Variants in KCNN4 observed in about 807,000 individuals in gnomAD.
The protein encoded by KCNN4 is intermediate conductance calcium-activated potassium channel protein 4.
KCNN4 carries 31 observed loss-of-function variants against 45.2 expected under a neutral mutation model. That is an observed-to-expected ratio of 0.69 (90% CI 0.52 to 0.92). The LOEUF (loss-of-function observed/expected upper bound fraction) is 0.92, where lower values mean the gene tolerates loss of function less well. Among genes scored for constraint, KCNN4 ranks in the 40% least tolerant of loss-of-function variants. The pLI, the probability that KCNN4 is intolerant of heterozygous loss-of-function variation, is 0.00. For synonymous variants in KCNN4, 231 were observed against 254.6 expected (o/e 0.91, Z 0.88); for missense variants, 463 against 574.0 (o/e 0.81, Z 1.98).
In KCNN4 at chr19:43,768,950, G is replaced by A. The variant is rs763027267; in HGVS notation, c.1119+13C>T. On this transcript the variant is annotated intron_variant, in intron 7 of 8. Coordinates refer to ENST00000648319, the MANE Select transcript of KCNN4 (RefSeq NM_002250.3). ...CCCCTTCTTCAAGACCTCCTCCCAC[G>A]GGATCCTAGTACCTTGGAGATGTCC... 15 of 1,613,622 alleles carry A rather than the reference G, an allele frequency of 9.3e-6. No individual in the cohort carries two copies. Among genetic ancestry groups the A allele is most frequent in the Middle Eastern group, 3.3e-4 (2 of 6,060 alleles).
chr19:43,779,835 G>A (rs1464022437), intron 1 of KCNN4, among the ~76,000 whole-genome samples: 1 of 151,936 alleles, frequency 6.6e-6, no homozygotes, highest in African/African-American at 2.4e-5. Flanking sequence ...AGGAGTCCAG[G>A]CCACTGTAAG....
At chr19:43,777,334 TGTGTGG>T (rs1568395400) in intron 1 of KCNN4, among the ~76,000 whole-genome samples, 134 of 151,392 alleles carry the variant, frequency 8.9e-4, no homozygotes, top group African/African-American at 3.0e-3. Context: ...TGGGTGTGTG[TGTGTGG>T]TGTCTAGAAA....
chr19:43,767,463 C>A, intron 8 of KCNN4, 77 bp downstream of exon 8: 1 of 1,519,978 alleles, frequency 6.6e-7, no homozygotes, highest in African/African-American at 1.4e-5. Context: ...ATCCCCCGCC[C>A]CCTTAGCCAC....
chr19:43,777,225 C>T (rs561610641), intron 1 of KCNN4, among the ~76,000 whole-genome samples: 3 of 152,220 alleles, frequency 2.0e-5, no homozygotes, highest in East Asian at 3.9e-4. Context: ...AAGACCCATA[C>T]CCATGAAGGG....
intron 2 of KCNN4, among the ~76,000 whole-genome samples, chr19:43,776,325 G>C (rs992008912): frequency 7.2e-5 from 11 of 151,730 alleles, no homozygotes; most frequent in Admixed American, 1.3e-4. Context: ...TGCAAGGGGG[G>C]GCTGGGGACT....
Position 43,774,686 on chromosome 19 carries a change from C to A in KCNN4, c.256-67G>T. The A allele has an allele frequency of 7.5e-7, 1 of 1,340,056 alleles. No homozygotes were observed. The highest frequency in any genetic ancestry group is 9.7e-7 in the Non-Finnish European group (1 of 1,025,974). The allele number at this position is 1,340,056 out of a possible 1,614,324, so 83.0% of individuals were successfully genotyped here. On this transcript the variant is annotated intron_variant, in intron 2 of 8. Coordinates refer to ENST00000648319, the MANE Select transcript of KCNN4 (RefSeq NM_002250.3). This position sits in a 1 kb window ranked among gnomAD's most constrained non-coding sequence, Gnocchi z 5.6. ...CAGGCGCAGGTCAGGCGGCGGCCCGCGCCTGCCTGCGCCCTGAGATAAGTG... is the reference window on the plus strand; with the variant it reads ...CAGGCGCAGGTCAGGCGGCGGCCCGAGCCTGCCTGCGCCCTGAGATAAGTG...
intron 3 of KCNN4, among the ~76,000 whole-genome samples, chr19:43,773,550 G>C (rs1936707206): frequency 6.6e-6 from 1 of 152,206 alleles, no homozygotes; most frequent in Non-Finnish European, 1.5e-5. Flanking sequence ...GGACCTGAGA[G>C]TTTTCATTTG....
chr19:43,770,952 C>T (rs1335824034), intron 4 of KCNN4, among the ~76,000 whole-genome samples: 3 of 152,166 alleles, frequency 2.0e-5, no homozygotes, highest in Non-Finnish European at 2.9e-5. Context: ...AAAGACTCAC[C>T]ACTGGGGGAG....
chr19:43,768,758 T>C (rs909990368), intron 7 of KCNN4, among the ~76,000 whole-genome samples: 8 of 152,186 alleles, frequency 5.3e-5, no homozygotes, highest in African/African-American at 1.7e-4. Flanking sequence ...TTTTTCAGTT[T>C]GTAAGGGATC....
chr19:43,773,784 A>C (rs1486939444), intron 3 of KCNN4, among the ~76,000 whole-genome samples: 2 of 152,090 alleles, frequency 1.3e-5, no homozygotes, highest in Non-Finnish European at 2.9e-5. Context: ...AAAAGCACCT[A>C]CCTACAGTGC....
intron 1 of KCNN4, among the ~76,000 whole-genome samples, chr19:43,777,767 C>T (rs1035548434): frequency 1.3e-5 from 2 of 151,762 alleles, no homozygotes; most frequent in African/African-American, 4.8e-5. Flanking sequence ...TGTTGGATTT[C>T]CTAAGAGGGG....
At chr19:43,779,988 C>T (rs998813001) in intron 1 of KCNN4, among the ~76,000 whole-genome samples, 1 of 152,092 alleles carries the variant, frequency 6.6e-6, no homozygotes, top group Non-Finnish European at 1.5e-5. Flanking sequence ...ATCCCCACCC[C>T]CAAGGCAGTT....
chr19:43,780,828 A>G lies in KCNN4; in HGVS notation c.34T>C (p.Leu12=). The part of the protein sequence containing the change: ...GGDLVLGLGA[L]RRRKRLLEQE... ...TCCAGCAAGCGCTTTCGGCGTCTCA[A>G]GGCCCCCAGGCCAAGCACCAGATCC... Residue 12 remains leucine (L), a synonymous_variant, in exon 1 of 9, where the codon TTG becomes CTG. Coordinates refer to ENST00000648319, the MANE Select transcript of KCNN4 (RefSeq NM_002250.3). 3 of 1,613,962 alleles carry G rather than the reference A, an allele frequency of 1.9e-6. No individual in the cohort carries two copies. Among genetic ancestry groups the G allele is most frequent in the South Asian group, 1.1e-5 (1 of 91,062 alleles).
In KCNN4 at chr19:43,772,047, G is replaced by C; in HGVS notation, c.772C>G (p.Pro258Ala). The C allele has an allele frequency of 6.2e-7, 1 of 1,613,548 alleles. No homozygotes were observed. Among genetic ancestry groups the C allele is most frequent in the Non-Finnish European group, 8.5e-7 (1 of 1,179,784 alleles). ...ACGATCTTGCCCCACATGGTGCCCG[G>C]CACCACGTCACCATAGCCGATGGTC... ...FLTIGYGDVV[P>A]GTMWGKIVCL... The change falls in exon 4 of 9, where the codon CCG becomes GCG. Residue 258 changes from proline (P) to alanine (A), a missense_variant. This residue lies in a region of KCNN4 where 109 missense variants were observed against 183.7 expected (regional missense o/e 0.59). Transcript: ENST00000648319. The surrounding 1 kb of genome is among the most constrained non-coding windows in gnomAD (Gnocchi z 4.4).
Position 43,780,479 on chromosome 19 carries a change from C to G in KCNN4, c.159+224G>C, listed in dbSNP as rs556487752. ...GACCCCCAGCCCCTCCTCCCTCAGA[C>G]CCAGGAGTCCAGGCCCTCAGTCCCT... On this transcript the variant is annotated intron_variant, in intron 1 of 8. Transcript: ENST00000648319. 4.3e-4 allele frequency among the ~76,000 whole-genome samples: 49 copies of G among 113,076 alleles called. 1 individual carries two copies. Among genetic ancestry groups the G allele is most frequent in the Non-Finnish European group, 8.1e-4 (45 of 55,598 alleles). 74.2% of individuals were successfully genotyped at this position (113,076 alleles called of 152,430 possible).
intron 4 of KCNN4, among the ~76,000 whole-genome samples, chr19:43,770,806 A>G (rs113970645): frequency 2.0e-4 from 30 of 152,310 alleles, no homozygotes; most frequent in African/African-American, 6.5e-4. Flanking sequence ...CCTTTCTTCC[A>G]GGAGCAGGCT....
Position 43,774,574 on chromosome 19 carries a change from T to G in KCNN4, c.301A>C (p.Thr101Pro). The G allele has an allele frequency of 6.5e-7, 1 of 1,540,928 alleles. No individual in the cohort carries two copies. The highest frequency in any genetic ancestry group is 8.7e-7 in the Non-Finnish European group (1 of 1,154,020). Residue 101 changes from threonine to proline, a missense_variant, in exon 3 of 9, where the codon ACC (threonine) becomes CCC (proline). Thr to Pro is a conservative substitution (Grantham distance 38, BLOSUM62 -1). This residue lies in a region of KCNN4 where 225 missense variants were observed against 240.9 expected (regional missense o/e 0.93). Coordinates refer to ENST00000648319, the MANE Select transcript of KCNN4 (RefSeq NM_002250.3). This position sits in a 1 kb window ranked among gnomAD's most constrained non-coding sequence, Gnocchi z 5.6. ...ACGATCTGCGCCGCCTGCCGCCCGG[T>G]CAGCGCCACGCGCCAGTCCCGCAGC... ...NGLRDWRVAL[T>P]GRQAAQIVLE...
intron 2 of KCNN4, among the ~76,000 whole-genome samples, chr19:43,776,325 G>T (rs992008912): frequency 6.6e-6 from 1 of 151,730 alleles, no homozygotes; most frequent in East Asian, 1.9e-4. Context: ...TGCAAGGGGG[G>T]GCTGGGGACT....
intron 1 of KCNN4, among the ~76,000 whole-genome samples, chr19:43,780,487 TCCAGGC>T (rs1969947754): frequency 2.2e-5 from 2 of 90,594 alleles, no homozygotes; most frequent in African/African-American, 8.9e-5. Context: ...GACCCAGGAG[TCCAGGC>T]CCTCAGTCCC....
Sources: gnomAD v4.1 joint callset for allele counts (sites outside exome capture counted in the v4.1 genomes callset) on GRCh38, gnomAD v4.1.1 for gene constraint, gnomAD v4.1.1 regional missense constraint, Gnocchi (gnomAD v3.1) non-coding constraint, MANE v1.5 for transcripts, NCBI Gene and HGNC (gene_info 2026-07-23, HGNC 2026-07-21) for gene names.